HYAL4: variants seen among roughly 807,000 people sequenced by gnomAD.
The protein encoded by HYAL4 is hyaluronidase-4.
A neutral mutation model predicts 35.2 loss-of-function variants in HYAL4; 37 were observed. That is an observed-to-expected ratio of 1.05 (90% CI 0.81 to 1.38). HYAL4 has a LOEUF of 1.38. Ranked by LOEUF, HYAL4 falls within the 40% of genes most tolerant of loss-of-function variation. The pLI is 0.00. For missense variants in HYAL4, 572 were observed against 572.4 expected (o/e 1.00, Z 0.01); for synonymous variants, 198 against 203.2 (o/e 0.97, Z 0.22).
intron 3 of HYAL4, 50 bp downstream of exon 3, chr7:123,869,277 A>T (rs778621456): frequency 7.4e-6 from 9 of 1,209,518 alleles, no homozygotes; most frequent in East Asian, 7.3e-5. Context: ...TATCTCTAAA[A>T]GGACATTTCT....
At chr7:123,796,031 T>C in the HYAL4 span, among the ~76,000 whole-genome samples, 365 of 152,270 alleles carry the variant, frequency 2.4e-3, no homozygotes, top group Non-Finnish European at 3.9e-3. Context: ...TTCCTCAGGG[T>C]TTATGAGAAG....
At chr7:123,814,540 G>A in the HYAL4 span, 1 of 152,480 alleles carries the variant, frequency 6.6e-6, no homozygotes, top group South Asian at 2.1e-4. Flanking sequence ...TTATTGACTG[G>A]GAAAGTTGGA....
intron 2 of HYAL4, among the ~76,000 whole-genome samples, chr7:123,857,294 CCCAG>C (rs897404369): frequency 6.6e-6 from 1 of 152,122 alleles, no homozygotes; most frequent in African/African-American, 2.4e-5. Flanking sequence ...GTGCTTGAAA[CCCAG>C]GACCCTGATA....
At chr7:123,832,422 A>G (rs1417984445) in intron 1 of HYAL4, among the ~76,000 whole-genome samples, 2 of 128,818 alleles carry the variant, frequency 1.6e-5, no homozygotes, top group Non-Finnish European at 3.2e-5. Flanking sequence ...GTAGTCTTTT[A>G]TCCCTGATCC....
intron 2 of HYAL4, among the ~76,000 whole-genome samples, chr7:123,866,787 C>T (rs1056264086): frequency 2.0e-5 from 3 of 149,048 alleles, no homozygotes; most frequent in East Asian, 3.9e-4. Flanking sequence ...CTCTTTCTCT[C>T]TCTTTTTTTT....
intron 1 of HYAL4, among the ~76,000 whole-genome samples, chr7:123,833,698 A>G (rs955277335): frequency 6.6e-6 from 1 of 151,924 alleles, no homozygotes. Flanking sequence ...TATCTTCTGG[A>G]ATTTTTATAG....
At chr7:123,830,212 C>T (rs1367125486) in intron 1 of HYAL4, among the ~76,000 whole-genome samples, 1 of 152,110 alleles carries the variant, frequency 6.6e-6, no homozygotes, top group East Asian at 1.9e-4. Flanking sequence ...AATACTTTGT[C>T]AACTGTCTCA....
At chr7:123,777,196 C>T in the HYAL4 span, among the ~76,000 whole-genome samples, 1 of 152,126 alleles carries the variant, frequency 6.6e-6, no homozygotes, top group South Asian at 2.1e-4. Context: ...TGAATGGTAG[C>T]CACTAGCCAC....
At chr7:123,849,270 TCTCTCTCTCTCTCTCC>T (rs1169481533) in intron 2 of HYAL4, among the ~76,000 whole-genome samples, 1 of 151,794 alleles carries the variant, frequency 6.6e-6, no homozygotes, top group Non-Finnish European at 1.5e-5. Context: ...GTACAGTCTC[TCTCTCTCTCTCTCTCC>T]CTCTCTCTCT....
the HYAL4 span, among the ~76,000 whole-genome samples, chr7:123,808,418 CGTGTGTGTGTGTGTGTGT>C: frequency 5.6e-4 from 80 of 142,698 alleles, 1 homozygote; most frequent in Admixed American, 1.7e-3. Flanking sequence ...TGTATCATCA[CGTGTGTGTGTGTGTGTGT>C]GTGTGTGTGT....
At chr7:123,776,414 TG>T in the HYAL4 span, among the ~76,000 whole-genome samples, 1 of 151,978 alleles carries the variant, frequency 6.6e-6, no homozygotes, top group African/African-American at 2.4e-5. Flanking sequence ...TGCAGGTGTG[TG>T]GGTTTTTTGT....
At chr7:123,807,609 T>C in the HYAL4 span, among the ~76,000 whole-genome samples, 1 of 151,732 alleles carries the variant, frequency 6.6e-6, no homozygotes, top group East Asian at 1.9e-4. Context: ...CCTGGCTAAT[T>C]TTTGTATTTT....
At chr7:123,775,651 G>A in the HYAL4 span, among the ~76,000 whole-genome samples, 1 of 152,078 alleles carries the variant, frequency 6.6e-6, no homozygotes, top group African/African-American at 2.4e-5. Flanking sequence ...ACTTGATGTA[G>A]CCTTCTTCAT....
At chr7:123,866,939 TGCCACCAC>T (rs1430747481) in intron 2 of HYAL4, among the ~76,000 whole-genome samples, 8 of 152,210 alleles carry the variant, frequency 5.3e-5, no homozygotes, top group African/African-American at 1.7e-4. Context: ...TACAGGCATG[TGCCACCAC>T]GCCAAGCTAA....
At chr7:123,837,036 A>G (rs1416062063) in intron 1 of HYAL4, among the ~76,000 whole-genome samples, 2 of 151,988 alleles carry the variant, frequency 1.3e-5, no homozygotes, top group African/African-American at 4.8e-5. Flanking sequence ...AAAAACAGAA[A>G]CAAAAAAAAA....
intron 1 of HYAL4, among the ~76,000 whole-genome samples, chr7:123,846,763 T>G (rs1806183154): frequency 6.6e-6 from 1 of 152,176 alleles, no homozygotes; most frequent in Non-Finnish European, 1.5e-5. Context: ...CAAGGACTCC[T>G]ATGAGACAAG....
Position 123,836,239 on chromosome 7 carries a change from G to A in HYAL4, c.-257+7115G>A, listed in dbSNP as rs1240290973. Among the ~76,000 whole-genome samples the A allele has an allele frequency of 2.6e-5, 4 of 152,112 alleles. No homozygotes were observed. In the South Asian group the frequency reaches 6.2e-4, roughly 24 times the overall value. On this transcript the variant is annotated intron_variant, in intron 1 of 4. Coordinates refer to the HYAL4 transcript ENST00000489978. ...TAATTTCTTAGGTCTAGTAGTAATT[G>A]TTTTATAAATTTGGGAGCTCCAGTG...
At chr7:123,863,310 T>C (rs1047597110) in intron 2 of HYAL4, among the ~76,000 whole-genome samples, 5 of 151,322 alleles carry the variant, frequency 3.3e-5, no homozygotes, top group East Asian at 1.9e-4. Flanking sequence ...TGAATTCTTA[T>C]AAGAATGAAC....
the HYAL4 span, among the ~76,000 whole-genome samples, chr7:123,817,274 A>G: frequency 6.6e-6 from 1 of 152,278 alleles, no homozygotes; most frequent in South Asian, 2.1e-4. Context: ...CTATATAGTC[A>G]CCCAATTTGA....
Sources: allele counts gnomAD v4.1 joint callset (sites outside exome capture counted in the v4.1 genomes callset), GRCh38; gene constraint gnomAD v4.1.1; transcripts MANE v1.5; gene names NCBI Gene and HGNC (gene_info 2026-07-23, HGNC 2026-07-21).